Variants in DLG2 observed in about 807,000 individuals in gnomAD.
DLG2 encodes discs large MAGUK scaffold protein 2, also known as disks large homolog 2.
A neutral mutation model predicts 132.5 loss-of-function variants in DLG2; 45 were observed. The observed-to-expected ratio is 0.34, with a 90% CI of 0.27 to 0.44. The LOEUF is 0.44. DLG2 is among the 20% of genes least tolerant of loss of function. DLG2 has a pLI of 1.00. For synonymous variants in DLG2, 424 were observed against 419.6 expected (o/e 1.01, Z -0.13); for missense variants, 1,045 against 1,196.9 (o/e 0.87, Z 1.87).
At chr11:83,902,003 C>A (rs955362453) in intron 15 of DLG2, among the ~76,000 whole-genome samples, 2 of 151,118 alleles carry the variant, frequency 1.3e-5, no homozygotes, top group African/African-American at 4.9e-5. Context: ...TTATTAACTA[C>A]TTTTCCACTA....
intron 5 of DLG2, among the ~76,000 whole-genome samples, chr11:85,131,433 G>A (rs1228252802): frequency 6.6e-6 from 1 of 152,058 alleles, no homozygotes; most frequent in Admixed American, 6.6e-5. Flanking sequence ...AACACCTCAG[G>A]AAGAGTAACA....
intron 3 of DLG2, among the ~76,000 whole-genome samples, chr11:85,448,870 T>C (rs2092122026): frequency 6.6e-6 from 1 of 152,152 alleles, no homozygotes. Flanking sequence ...ATATTTAAAG[T>C]AGTTCCCATT....
chr11:84,772,188 C>A (rs567521260), intron 6 of DLG2, among the ~76,000 whole-genome samples: 1 of 151,890 alleles, frequency 6.6e-6, no homozygotes, highest in Non-Finnish European at 1.5e-5. Flanking sequence ...AAGGGCATTA[C>A]GTAATGATAA....
chr11:84,669,364 A>G (rs2099703278), intron 6 of DLG2, among the ~76,000 whole-genome samples: 1 of 152,170 alleles, frequency 6.6e-6, no homozygotes, highest in Non-Finnish European at 1.5e-5. Context: ...GACTAACTTC[A>G]TATGCCAAAG....
chr11:84,520,680 G>T (rs2099295110), intron 7 of DLG2, among the ~76,000 whole-genome samples: 1 of 152,088 alleles, frequency 6.6e-6, no homozygotes, highest in Admixed American at 6.6e-5. Flanking sequence ...GTGGGAATGA[G>T]AAAAAGAGGG....
At chr11:84,026,525 T>C (rs2095539355) in intron 11 of DLG2, among the ~76,000 whole-genome samples, 1 of 152,130 alleles carries the variant, frequency 6.6e-6, no homozygotes, top group Admixed American at 6.6e-5. Flanking sequence ...GTCTATAATT[T>C]ATTGGTAAAG....
At chr11:84,388,756 G>A (rs919897467) in intron 7 of DLG2, among the ~76,000 whole-genome samples, 1 of 151,896 alleles carries the variant, frequency 6.6e-6, no homozygotes, top group Admixed American at 6.6e-5. Context: ...TGGATGTCAG[G>A]AATTGGAAGT....
At chr11:84,117,609 T>C (rs903753617) in intron 9 of DLG2, among the ~76,000 whole-genome samples, 2 of 152,172 alleles carry the variant, frequency 1.3e-5, no homozygotes, top group Non-Finnish European at 2.9e-5. Flanking sequence ...ACCAGTTGGG[T>C]TCAGATAACC....
At chr11:85,183,469 G>C (rs569859681) in intron 4 of DLG2, among the ~76,000 whole-genome samples, 1 of 151,960 alleles carries the variant, frequency 6.6e-6, no homozygotes, top group African/African-American at 2.4e-5. Flanking sequence ...CTGAGGCTAA[G>C]AAAACTTAAG....
chr11:83,921,140 T>C (rs1365266837), intron 15 of DLG2, among the ~76,000 whole-genome samples: 1 of 152,096 alleles, frequency 6.6e-6, no homozygotes, highest in Non-Finnish European at 1.5e-5. Context: ...CCTCCCTGGG[T>C]TGCTGTGGAG....
intron 6 of DLG2, among the ~76,000 whole-genome samples, chr11:84,979,294 A>G (rs1033563290): frequency 1.3e-5 from 2 of 152,190 alleles, no homozygotes; most frequent in East Asian, 3.9e-4. Flanking sequence ...TGACCCAGCC[A>G]TCCCATTACT....
intron 6 of DLG2, among the ~76,000 whole-genome samples, chr11:84,613,079 T>TGGGC (rs2099598158): frequency 6.6e-6 from 1 of 152,058 alleles, no homozygotes; most frequent in South Asian, 2.1e-4. Context: ...CGTGAGGCAG[T>TGGGC]TGGGCTGATC....
chr11:84,981,410 G>C (rs994283627), intron 6 of DLG2, among the ~76,000 whole-genome samples: 7 of 152,142 alleles, frequency 4.6e-5, no homozygotes, highest in Admixed American at 1.3e-4. Context: ...ATAGGAAGCA[G>C]TGTTGAGTAA....
At chr11:85,587,661 T>G (rs568490946) in intron 3 of DLG2, among the ~76,000 whole-genome samples, 1 of 152,326 alleles carries the variant, frequency 6.6e-6, no homozygotes, top group African/African-American at 2.4e-5. Flanking sequence ...CATTCTGTAT[T>G]TTTTAAGTGA....
intron 7 of DLG2, among the ~76,000 whole-genome samples, chr11:84,505,294 G>T (rs61897749): frequency 6.6e-6 from 1 of 151,956 alleles, no homozygotes; most frequent in Non-Finnish European, 1.5e-5. Flanking sequence ...TTCTATGAGC[G>T]TATACTGTAT....
chr11:84,741,106 GCC>G (rs1391633322), intron 6 of DLG2, among the ~76,000 whole-genome samples: 3 of 119,626 alleles, frequency 2.5e-5, no homozygotes, highest in African/African-American at 9.8e-5. Context: ...TCGTTCTGTC[GCC>G]CAGGCGGGAG....
At chr11:84,465,369 A>G (rs892553429) in intron 7 of DLG2, among the ~76,000 whole-genome samples, 6 of 151,292 alleles carry the variant, frequency 4.0e-5, no homozygotes, top group African/African-American at 1.2e-4. Context: ...AGTGGCATTT[A>G]TTTGCCTCAT....
chr11:85,108,751 T>G (rs1220264918), intron 6 of DLG2, among the ~76,000 whole-genome samples: 1 of 152,074 alleles, frequency 6.6e-6, no homozygotes, highest in Non-Finnish European at 1.5e-5. Context: ...TGCTGACTAG[T>G]AGTATTAAAC....
At chr11:85,594,161 T>C (rs2079564550) in intron 3 of DLG2, among the ~76,000 whole-genome samples, 1 of 152,176 alleles carries the variant, frequency 6.6e-6, no homozygotes, top group Non-Finnish European at 1.5e-5. Context: ...TGAGATACAA[T>C]GAAAGGGCTA....
Sources: gnomAD v4.1 joint callset for allele counts (sites outside exome capture counted in the v4.1 genomes callset) on GRCh38, gnomAD v4.1.1 for gene constraint, MANE v1.5 for transcripts, NCBI Gene and HGNC (gene_info 2026-07-23, HGNC 2026-07-21) for gene names.